The following TMEM132D variants were observed in gnomAD, a reference collection of about 807,000 sequenced individuals.
TMEM132D encodes mature OL transmembrane protein.
A neutral mutation model predicts 62.3 loss-of-function variants in TMEM132D; 21 were observed. The observed-to-expected ratio is 0.34, with a 90% CI of 0.24 to 0.49. The LOEUF (loss-of-function observed/expected upper bound fraction) is 0.49. Ranked by LOEUF, TMEM132D falls within the 20% of genes least tolerant of loss-of-function variation. The probability of loss-of-function intolerance (pLI) is 0.99; values close to 1 mark genes in which losing one functional copy is unlikely to be tolerated. For missense variants in TMEM132D, 1,346 were observed against 1,402.8 expected (o/e 0.96, Z 0.65); for synonymous variants, 621 against 575.6 (o/e 1.08, Z -1.13).
At chr12:129,504,737 G>T (rs538035094) in intron 3 of TMEM132D, among the ~76,000 whole-genome samples, 2 of 151,986 alleles carry the variant, frequency 1.3e-5, no homozygotes, top group South Asian at 4.2e-4. Context: ...TCTGATCTTG[G>T]TTATTTCCTT....
intron 3 of TMEM132D, among the ~76,000 whole-genome samples, chr12:129,496,335 C>A: frequency 6.6e-6 from 1 of 152,062 alleles, no homozygotes; most frequent in East Asian, 1.9e-4. Flanking sequence ...AGCAGAAGAG[C>A]CATTCCCGAC....
intron 2 of TMEM132D, among the ~76,000 whole-genome samples, chr12:129,651,893 A>T (rs151139708): frequency 2.6e-5 from 4 of 152,320 alleles, no homozygotes; most frequent in Non-Finnish European, 5.9e-5. Context: ...AGACTTCAGT[A>T]AATCGCAGTA....
At chr12:129,318,132 C>G (rs1332735247) in intron 4 of TMEM132D, among the ~76,000 whole-genome samples, 2 of 152,154 alleles carry the variant, frequency 1.3e-5, no homozygotes, top group Non-Finnish European at 2.9e-5. Context: ...CTCCTGAACT[C>G]TTTTTCAGGT....
chr12:129,354,316 T>TATAC (rs1491531742), intron 3 of TMEM132D, among the ~76,000 whole-genome samples: 1 of 5,912 alleles, frequency 1.7e-4, no homozygotes, highest in Non-Finnish European at 5.5e-4. Flanking sequence ...CTTTATTGGG[T>TATAC]ATATATATAT....
In TMEM132D at chr12:129,183,031, G is replaced by A. The variant is rs148504906; in HGVS notation, c.1443+26489C>T. ...TTGGGGCTAAATGAGGCTTCTTCAC[G>A]TGGCTGCTGGCTTCCAAGAATGACT... On this transcript the variant is annotated intron_variant, in intron 5 of 8. Transcript: ENST00000422113. 3.4e-3 allele frequency among the ~76,000 whole-genome samples: 524 copies of A among 152,262 alleles called. 3 individuals are homozygous for A. The highest frequency in any genetic ancestry group is 0.012 in the African/African-American group (498 of 41,550).
chr12:129,535,773 TGTGCGTGTGTG>T (rs1876367739), intron 2 of TMEM132D, among the ~76,000 whole-genome samples: 1 of 86,944 alleles, frequency 1.2e-5, no homozygotes, highest in African/African-American at 6.3e-5. Context: ...TTAAGATTTG[TGTGCGTGTGTG>T]TGTGTGTGTG....
intron 5 of TMEM132D, 38 bp downstream of exon 5, chr12:129,209,482 C>G: frequency 1.2e-6 from 2 of 1,610,704 alleles, no homozygotes; most frequent in Non-Finnish European, 1.7e-6. Context: ...GCTGACATGA[C>G]AGCAGGTTTC....
At chr12:129,643,790 G>C (rs921447875) in intron 2 of TMEM132D, among the ~76,000 whole-genome samples, 2 of 151,734 alleles carry the variant, frequency 1.3e-5, no homozygotes, top group Non-Finnish European at 2.9e-5. Context: ...GCCCCTCCAG[G>C]CTTCCAGTTG....
At chr12:129,769,458 G>C (rs1870657727) in intron 1 of TMEM132D, among the ~76,000 whole-genome samples, 1 of 152,100 alleles carries the variant, frequency 6.6e-6, no homozygotes. Context: ...TCTCCACCTG[G>C]TCCCTCTCAT....
intron 2 of TMEM132D, among the ~76,000 whole-genome samples, chr12:129,552,322 T>C (rs1876921179): frequency 6.6e-6 from 1 of 152,170 alleles, no homozygotes; most frequent in South Asian, 2.1e-4. Flanking sequence ...CCATTATCTA[T>C]ATATCTGGCT....
rs1259565644 is a variant in TMEM132D at position 129,074,607 on chromosome 12, CGTG to C, written c.2565_2567del (p.Thr857del). ...TCTTCTGCAGGATGGACCTGTCTGT[CGTG>C]GTGCCCCGTCCCTCCATGAGTCCCA... On this transcript the variant is annotated inframe_deletion, in exon 9 of 9. Coordinates refer to ENST00000422113, the MANE Select transcript of TMEM132D (RefSeq NM_133448.3). 1 of 1,613,918 alleles carries C rather than the reference CGTG, an allele frequency of 6.2e-7. No homozygotes were observed. The highest frequency in any genetic ancestry group is 1.3e-5 in the African/African-American group (1 of 74,880).
intron 4 of TMEM132D, among the ~76,000 whole-genome samples, chr12:129,290,446 T>C (rs1024015714): frequency 7.9e-5 from 12 of 152,204 alleles, no homozygotes. Context: ...CTAGCAGTAA[T>C]AAGCTAGGTC....
chr12:129,777,254 C>A (rs1052328740), intron 1 of TMEM132D, among the ~76,000 whole-genome samples: 1 of 152,228 alleles, frequency 6.6e-6, no homozygotes, highest in African/African-American at 2.4e-5. Flanking sequence ...TTAGGGCACA[C>A]ACCCTGTCTC....
At chr12:129,562,906 T>TA (rs1252387744) in intron 2 of TMEM132D, among the ~76,000 whole-genome samples, 3 of 152,232 alleles carry the variant, frequency 2.0e-5, no homozygotes, top group Non-Finnish European at 4.4e-5. Flanking sequence ...CCAAATCAGA[T>TA]AAGCATCCCC....
chr12:129,165,945 T>C (rs1454140385), intron 5 of TMEM132D, among the ~76,000 whole-genome samples: 4 of 152,232 alleles, frequency 2.6e-5, no homozygotes, highest in African/African-American at 9.6e-5. Flanking sequence ...GGCTGAGCCC[T>C]GGGTTATCCT....
chr12:129,699,604 A>T (rs1167990093), intron 2 of TMEM132D, among the ~76,000 whole-genome samples: 1 of 152,224 alleles, frequency 6.6e-6, no homozygotes. Flanking sequence ...TGGAAAATCT[A>T]TTAAGACGAA....
chr12:129,480,961 T>C (rs1486611407), intron 3 of TMEM132D, among the ~76,000 whole-genome samples: 2 of 151,968 alleles, frequency 1.3e-5, no homozygotes, highest in African/African-American at 2.4e-5. Flanking sequence ...GGGGAGCAGG[T>C]GAATGAAACA....
intron 2 of TMEM132D, chr12:129,681,344 G>A (rs971513318): frequency 1.3e-5 from 2 of 152,202 alleles, no homozygotes; most frequent in Non-Finnish European, 2.9e-5. Flanking sequence ...GCTCAGTTGG[G>A]AGATTCTTCT....
At chr12:129,115,303 T>C (rs1875861137) in intron 5 of TMEM132D, among the ~76,000 whole-genome samples, 1 of 152,178 alleles carries the variant, frequency 6.6e-6, no homozygotes, top group East Asian at 1.9e-4. Context: ...GCCAACACGA[T>C]TATCCTCCTG....
Sources: allele counts gnomAD v4.1 joint callset (sites outside exome capture counted in the v4.1 genomes callset), GRCh38; gene constraint gnomAD v4.1.1; transcripts MANE v1.5; gene names NCBI Gene and HGNC (gene_info 2026-07-23, HGNC 2026-07-21).